The following TRIM36 variants were observed in gnomAD, a reference collection of about 807,000 sequenced individuals.
TRIM36 encodes the protein tripartite motif containing 36, also known as E3 ubiquitin-protein ligase TRIM36.
Under a neutral mutation model 72.4 loss-of-function variants are expected in TRIM36, and 42 were observed. The ratio of observed to expected loss-of-function variants is 0.58; its 90% CI spans 0.45 to 0.75. The LOEUF is 0.75. Ranked by LOEUF, TRIM36 falls within the 30% of genes least tolerant of loss-of-function variation. TRIM36 has a pLI of 0.00. For missense variants in TRIM36, 913 were observed against 857.1 expected, an observed-to-expected ratio of 1.07 and a Z score of -0.81; for synonymous variants, 315 against 282.8, an observed-to-expected ratio of 1.11 and a Z score of -1.14.
Position 115,154,418 on chromosome 5 carries a change from G to T in TRIM36, c.263-7024C>A, listed in dbSNP as rs377625463. Among the ~76,000 whole-genome samples, 13 of 149,896 alleles carry T rather than the reference G, an allele frequency of 8.7e-5. No homozygotes were observed. The East Asian group carries it at 2.1e-3, about 25-fold the overall frequency. ...TCAAACAAAAAGCTGATTCTTCGAA[G>T]ATTAATAAAATTGATACACCATTAG... On this transcript the variant is annotated intron_variant, in intron 2 of 9. Coordinates refer to ENST00000513154, the MANE Select transcript of TRIM36 (RefSeq NM_001300759.2).
chr5:115,132,890 T>C (rs1166924058), intron 8 of TRIM36, among the ~76,000 whole-genome samples: 1 of 152,206 alleles, frequency 6.6e-6, no homozygotes, highest in East Asian at 1.9e-4. Flanking sequence ...ACTTAATACC[T>C]GCAAATTCAT....
At chr5:115,136,511 A>G (rs577104890) in intron 7 of TRIM36, among the ~76,000 whole-genome samples, 31 of 152,316 alleles carry the variant, frequency 2.0e-4, no homozygotes, top group Non-Finnish European at 4.1e-4. Context: ...CAGCAATGTA[A>G]ACAGCCTGCA....
chr5:115,133,533 C>CA (rs1165773055), intron 8 of TRIM36, among the ~76,000 whole-genome samples: 1 of 152,030 alleles, frequency 6.6e-6, no homozygotes, highest in Non-Finnish European at 1.5e-5. Context: ...ACCAAAAATA[C>CA]AGAATTATAT....
Position 115,147,517 on chromosome 5 carries a change from C to T in TRIM36, c.263-123G>A, listed in dbSNP as rs1397079728. The T allele has an allele frequency of 3.4e-6, 4 of 1,162,980 alleles. No homozygotes were observed. The African/African-American group carries it at 6.2e-5, about 18-fold the overall frequency. 72.0% of individuals were successfully genotyped at this position (1,162,980 alleles called of 1,614,324 possible). On this transcript the variant is annotated intron_variant, in intron 2 of 9. Coordinates refer to ENST00000513154, the MANE Select transcript of TRIM36 (RefSeq NM_001300759.2). ...ATCACAAAAACAGTATCCGAAGTGG[C>T]TCCACGTGAAATTTGTATTGTGAAA... is the stretch of plus-strand genomic sequence containing the variant.
intron 2 of TRIM36, among the ~76,000 whole-genome samples, chr5:115,151,977 A>G (rs1292779514): frequency 6.6e-6 from 1 of 152,206 alleles, no homozygotes; most frequent in Non-Finnish European, 1.5e-5. Flanking sequence ...GGTTAACACC[A>G]GCAAAAATCA....
intron 3 of TRIM36, 88 bp from the exon 4 acceptor site, chr5:115,144,832 A>G (rs1580665805): frequency 1.1e-5 from 15 of 1,418,886 alleles, no homozygotes; most frequent in Non-Finnish European, 1.4e-5. Context: ...TGCCTTATAA[A>G]ATCACTAAAT....
chr5:115,164,663 C>G (rs1340447353), intron 1 of TRIM36, among the ~76,000 whole-genome samples: 1 of 152,176 alleles, frequency 6.6e-6, no homozygotes, highest in Non-Finnish European at 1.5e-5. Context: ...CTTGGGATTA[C>G]AATTCAAGAT....
chr5:115,151,896 C>T (rs1753914423), intron 2 of TRIM36, among the ~76,000 whole-genome samples: 1 of 152,204 alleles, frequency 6.6e-6, no homozygotes. Context: ...TGAGCCCTAA[C>T]ATTTCCTCTG....
intron 2 of TRIM36, among the ~76,000 whole-genome samples, chr5:115,152,073 G>A (rs1753923118): frequency 6.6e-6 from 1 of 152,162 alleles, no homozygotes; most frequent in South Asian, 2.1e-4. Flanking sequence ...AGCTAATCGA[G>A]GAGACACCAG....
intron 9 of TRIM36, among the ~76,000 whole-genome samples, chr5:115,128,887 T>C (rs746906127): frequency 2.6e-5 from 4 of 151,740 alleles, no homozygotes; most frequent in Non-Finnish European, 5.9e-5. Flanking sequence ...AAGTTTACAG[T>C]AGTGTGCAGC....
At chr5:115,135,772 G>A (rs1035104477) in intron 7 of TRIM36, among the ~76,000 whole-genome samples, 11 of 152,122 alleles carry the variant, frequency 7.2e-5, no homozygotes, top group African/African-American at 2.7e-4. Context: ...TTTAAGTGAT[G>A]ACAAATATCT....
intron 1 of TRIM36, among the ~76,000 whole-genome samples, chr5:115,167,518 G>A (rs1381332761): frequency 1.3e-5 from 2 of 152,184 alleles, no homozygotes; most frequent in Non-Finnish European, 2.9e-5. Context: ...CTCTAGGACA[G>A]GGGCAAAACA....
At chr5:115,166,230 A>G (rs546332573) in intron 1 of TRIM36, among the ~76,000 whole-genome samples, 4 of 152,070 alleles carry the variant, frequency 2.6e-5, no homozygotes, top group South Asian at 4.2e-4. Flanking sequence ...CTTACAGTGA[A>G]TTTTCCAGGC....
chr5:115,151,354 T>A (rs1753882588), intron 2 of TRIM36, among the ~76,000 whole-genome samples: 1 of 151,940 alleles, frequency 6.6e-6, no homozygotes, highest in Non-Finnish European at 1.5e-5. Context: ...CATCCCCCAA[T>A]CCCCGCAGCA....
chr5:115,147,527 A>C, intron 2 of TRIM36, 133 bp from the exon 3 acceptor site: 2 of 1,077,814 alleles, frequency 1.9e-6, no homozygotes, highest in Non-Finnish European at 1.3e-6. Context: ...CTCCACGTGA[A>C]ATTTGTATTG....
In TRIM36 at chr5:115,134,043, C is replaced by G; in HGVS notation, c.1315G>C (p.Glu439Gln). ...EKDKADSYVL[E>Q]YRKINRDDEM... The stretch of plus-strand genomic sequence containing the variant: ...TCATCTCTATTGATTTTCCGATATT[C>G]AAGAACATAGCTATCAGCTTTATCC... The change falls in exon 8 of 10, where the codon GAA (glutamate) becomes CAA (glutamine). Residue 439 changes from glutamate (E) to glutamine (Q), a missense_variant. Glu to Gln is a conservative substitution (Grantham distance 29). Transcript: ENST00000513154. 6.2e-7 allele frequency: 1 copy of G among 1,613,862 alleles called. No individual in the cohort carries two copies. The highest frequency in any genetic ancestry group is 1.1e-5 in the South Asian group (1 of 91,026).
chr5:115,128,029 A>C (rs1202955487), intron 9 of TRIM36, among the ~76,000 whole-genome samples: 1 of 150,802 alleles, frequency 6.6e-6, no homozygotes, highest in African/African-American at 2.4e-5. Context: ...AAATGCTTAA[A>C]ATGTTAAAAA....
intron 1 of TRIM36, chr5:115,177,432 C>T (rs1365976942): frequency 1.1e-6 from 1 of 896,648 alleles, no homozygotes; most frequent in East Asian, 6.2e-5. Context: ...ACTCTCTTAA[C>T]TCTCATAATT....
intron 2 of TRIM36, chr5:115,149,659 A>AAAAAAG (rs1177482956): frequency 2.0e-5 from 3 of 147,768 alleles, no homozygotes; most frequent in African/African-American, 4.9e-5. Context: ...AAAAAAAAAA[A>AAAAAAG]GGTGTGAAAC....
Sources: gnomAD v4.1 joint callset for allele counts (sites outside exome capture counted in the v4.1 genomes callset) on GRCh38, gnomAD v4.1.1 for gene constraint, MANE v1.5 for transcripts, NCBI Gene and HGNC (gene_info 2026-07-23, HGNC 2026-07-21) for gene names.